The following MARCHF1 variants were observed in gnomAD, a reference collection of about 807,000 sequenced individuals.
MARCHF1 encodes E3 ubiquitin-protein ligase MARCHF1.
In MARCHF1, 40 loss-of-function variants were observed where a neutral mutation model predicts 54.2. The observed-to-expected ratio is 0.74, with a 90% CI of 0.57 to 0.96. MARCHF1 has a LOEUF of 0.96. MARCHF1 is among the 40% of genes least tolerant of loss of function. The probability of loss-of-function intolerance (pLI) is 0.00; values close to 1 mark genes in which losing one functional copy is unlikely to be tolerated. For synonymous variants in MARCHF1, 236 were observed against 236.3 expected, an observed-to-expected ratio of 1.00 and a Z score of 0.01; for missense variants, 586 against 656.5, an observed-to-expected ratio of 0.89 and a Z score of 1.17.
intron 4 of MARCHF1, among the ~76,000 whole-genome samples, chr4:163,745,367 C>G (rs1433963227): frequency 1.3e-5 from 2 of 152,088 alleles, no homozygotes; most frequent in Non-Finnish European, 2.9e-5. Flanking sequence ...CCGGCCTCAG[C>G]CTCCCAAAGT....
intron 3 of MARCHF1, among the ~76,000 whole-genome samples, chr4:163,862,163 AT>A (rs1418706942): frequency 2.0e-5 from 3 of 152,096 alleles, no homozygotes; most frequent in Admixed American, 2.0e-4. Flanking sequence ...GAGGTGGTAG[AT>A]ACAACGCTAA....
intron 8 of MARCHF1, among the ~76,000 whole-genome samples, chr4:163,558,631 G>A (rs1222945640): frequency 6.6e-6 from 1 of 152,224 alleles, no homozygotes; most frequent in Non-Finnish European, 1.5e-5. Flanking sequence ...GCAGGCACTT[G>A]CAGAGAGCAC....
chr4:164,253,454 G>C, intron 1 of MARCHF1, among the ~76,000 whole-genome samples: 1 of 152,080 alleles, frequency 6.6e-6, no homozygotes, highest in East Asian at 1.9e-4. Flanking sequence ...ACTTAAATAA[G>C]TAATGATTTT....
At chr4:163,594,759 AACAC>A (rs3080975) in intron 7 of MARCHF1, among the ~76,000 whole-genome samples, 3,241 of 65,674 alleles carry the variant, frequency 0.049, 51 homozygotes, top group Non-Finnish European at 0.094. Context: ...TCAAAACACA[AACAC>A]ACACACACAC....
At chr4:163,642,262 A>C (rs913135315) in intron 5 of MARCHF1, among the ~76,000 whole-genome samples, 4 of 152,178 alleles carry the variant, frequency 2.6e-5, no homozygotes, top group Non-Finnish European at 5.9e-5. Context: ...TCCCCAGGGG[A>C]AAAGACAGAC....
chr4:164,379,313 C>CA (rs1362174631), intron 1 of MARCHF1, among the ~76,000 whole-genome samples: 1 of 151,818 alleles, frequency 6.6e-6, no homozygotes, highest in African/African-American at 2.4e-5. Context: ...AAAGAATACT[C>CA]AAACAAGCAC....
At chr4:164,337,389 A>ACCTC (rs1308179347) in intron 1 of MARCHF1, among the ~76,000 whole-genome samples, 2 of 152,072 alleles carry the variant, frequency 1.3e-5, no homozygotes, top group East Asian at 3.9e-4. Context: ...TGCCAAGAGA[A>ACCTC]CCTCCCCTGG....
intron 7 of MARCHF1, among the ~76,000 whole-genome samples, chr4:163,596,637 A>G (rs1740782933): frequency 6.6e-6 from 1 of 151,718 alleles, no homozygotes; most frequent in South Asian, 2.1e-4. Context: ...TAATGCTTAT[A>G]ATTTGATTTT....
At chr4:163,999,515 T>C (rs531399672) in intron 2 of MARCHF1, among the ~76,000 whole-genome samples, 26 of 151,674 alleles carry the variant, frequency 1.7e-4, no homozygotes, top group African/African-American at 6.0e-4. Context: ...TTCCACTAGT[T>C]GATTAAATAT....
chr4:163,782,448 A>G (rs1432989655), intron 4 of MARCHF1, among the ~76,000 whole-genome samples: 1 of 152,074 alleles, frequency 6.6e-6, no homozygotes, highest in African/African-American at 2.4e-5. Flanking sequence ...AGGTGGGTGG[A>G]TCACTTGAGG....
intron 9 of MARCHF1, among the ~76,000 whole-genome samples, chr4:163,534,562 A>G (rs777650077): frequency 1.7e-4 from 26 of 152,142 alleles, no homozygotes; most frequent in Non-Finnish European, 3.7e-4. Flanking sequence ...TTGAAGGAAC[A>G]GATTCAATTA....
Position 164,340,405 on chromosome 4 carries a change from T to TTATATATATATA in MARCHF1, c.-323+43464_-323+43465insTATATATATATA, listed in dbSNP as rs1554002572. ...ACAGCACATGCCACCAGGCCTTGATTTATATATAGATATATATATATATAT... is the reference window on the plus strand; with the variant it reads ...ACAGCACATGCCACCAGGCCTTGATTTATATATATATATATATATAGATATATATATATATAT... On this transcript the variant is annotated intron_variant, in intron 1 of 9. Transcript: ENST00000514618. 3.8e-3 allele frequency among the ~76,000 whole-genome samples: 360 copies of TTATATATATATA among 95,558 alleles called. 17 individuals are homozygous for TTATATATATATA. The highest frequency in any genetic ancestry group is 5.1e-3 in the Admixed American group (41 of 7,996). 62.7% of individuals were successfully genotyped at this position (95,558 alleles called of 152,430 possible).
intron 2 of MARCHF1, among the ~76,000 whole-genome samples, chr4:164,036,710 G>A (rs1349168629): frequency 6.6e-6 from 1 of 152,072 alleles, no homozygotes; most frequent in Non-Finnish European, 1.5e-5. Flanking sequence ...TTCCACCTCT[G>A]TGATCAGAGA....
chr4:164,241,144 C>T (rs902127811), intron 1 of MARCHF1, among the ~76,000 whole-genome samples: 2 of 152,224 alleles, frequency 1.3e-5, no homozygotes, highest in African/African-American at 2.4e-5. Context: ...TGACTCAACT[C>T]GCCCTGTGAC....
chr4:164,151,507 T>C (rs1207025756), intron 1 of MARCHF1, among the ~76,000 whole-genome samples: 29 of 152,182 alleles, frequency 1.9e-4, no homozygotes, highest in Admixed American at 1.9e-3. Context: ...ATACTTCCTA[T>C]GTTGTACTTG....
Position 163,967,647 on chromosome 4 carries a change from A to C in MARCHF1, c.-39+20854T>G, listed in dbSNP as rs543485037. On this transcript the variant is annotated intron_variant, in intron 3 of 9. Transcript: ENST00000514618. ...AGTCAGGGCTCTCCAGAGCAACAGA[A>C]ATAAGAGGAGCTCTATCTACCTATT... 9.2e-5 allele frequency among the ~76,000 whole-genome samples: 14 copies of C among 152,304 alleles called. No individual in the cohort carries two copies. The South Asian group carries it at 2.9e-3, about 32-fold the overall frequency.
chr4:163,905,578 G>C lies in MARCHF1; in HGVS notation c.-38-51409C>G, dbSNP rs551810674. Among the ~76,000 whole-genome samples the C allele has an allele frequency of 1.2e-4, 19 of 152,144 alleles. 1 individual carries two copies. Among genetic ancestry groups the C allele is most frequent in the African/African-American group, 4.6e-4 (19 of 41,538 alleles). On this transcript the variant is annotated intron_variant, in intron 3 of 9. Transcript: ENST00000514618. ...GAATTTCTGCTGAGAGCAGGGGAAG[G>C]GATAGTTCTGCTATGAAAAGTCCAA...
chr4:164,000,220 TA>T (rs1285998569), intron 2 of MARCHF1, among the ~76,000 whole-genome samples: 12 of 151,712 alleles, frequency 7.9e-5, no homozygotes, highest in African/African-American at 2.9e-4. Flanking sequence ...AGAGTACTAA[TA>T]GGTCAAAAAT....
chr4:164,225,828 A>T (rs922586959), intron 1 of MARCHF1, among the ~76,000 whole-genome samples: 1 of 152,064 alleles, frequency 6.6e-6, no homozygotes, highest in Non-Finnish European at 1.5e-5. Flanking sequence ...TACCAGGCAT[A>T]AGTACTCATT....
Sources: allele counts gnomAD v4.1 joint callset (sites outside exome capture counted in the v4.1 genomes callset), GRCh38; gene constraint gnomAD v4.1.1; transcripts MANE v1.5; gene names NCBI Gene and HGNC (gene_info 2026-07-23, HGNC 2026-07-21).